The following FUBP3 variants were observed in gnomAD, a reference collection of about 807,000 sequenced individuals.
FUBP3 encodes the protein far upstream element binding protein 3, also known as far upstream element-binding protein 3.
Under a neutral mutation model 85.6 loss-of-function variants are expected in FUBP3, and 28 were observed. That is an observed-to-expected ratio of 0.33 (90% CI 0.24 to 0.45). The LOEUF is 0.45. Ranked by LOEUF, FUBP3 falls within the 20% of genes least tolerant of loss-of-function variation. The pLI is 1.00. For synonymous variants in FUBP3, 271 were observed against 271.4 expected (o/e 1.00, Z 0.01); for missense variants, 583 against 755.1 (o/e 0.77, Z 2.67).
intron 2 of FUBP3, among the ~76,000 whole-genome samples, chr9:130,604,618 CG>C (rs763095365): frequency 6.6e-6 from 1 of 152,172 alleles, no homozygotes; most frequent in Non-Finnish European, 1.5e-5. Flanking sequence ...ATACTACTCC[CG>C]GGCCTGGCAT....
intron 9 of FUBP3, among the ~76,000 whole-genome samples, chr9:130,622,331 A>AG (rs1437350795): frequency 1.3e-5 from 2 of 149,070 alleles, no homozygotes; most frequent in African/African-American, 5.0e-5. Flanking sequence ...AAAAAAAAAA[A>AG]AAAAAAAAAA....
intron 2 of FUBP3, among the ~76,000 whole-genome samples, chr9:130,602,863 A>C (rs1262775284): frequency 6.6e-6 from 1 of 151,862 alleles, no homozygotes; most frequent in African/African-American, 2.4e-5. Context: ...TCTTCCCTAA[A>C]ATGGGCCTTT....
At chr9:130,595,670 C>T (rs1210069600) in intron 2 of FUBP3, 82 bp downstream of exon 2, 4 of 775,808 alleles carry the variant, frequency 5.2e-6, no homozygotes, top group Admixed American at 1.7e-5. Flanking sequence ...ATTACCTTAA[C>T]GACTCTCTGA....
At chr9:130,591,009 G>GTTTTT (rs905903196) in intron 1 of FUBP3, among the ~76,000 whole-genome samples, 2 of 82,364 alleles carry the variant, frequency 2.4e-5, no homozygotes, top group Non-Finnish European at 2.4e-5. Context: ...GTTTTTGTTT[G>GTTTTT]TTTTTGTTTT....
At chr9:130,599,151 A>T (rs1349718563) in intron 2 of FUBP3, among the ~76,000 whole-genome samples, 1 of 151,976 alleles carries the variant, frequency 6.6e-6, no homozygotes, top group Admixed American at 6.6e-5. Flanking sequence ...AATTAGCTGG[A>T]TGTCATGGCA....
chr9:130,631,713 G>T, intron 14 of FUBP3, 83 bp downstream of exon 14: 1 of 1,178,820 alleles, frequency 8.5e-7, no homozygotes, highest in Non-Finnish European at 1.3e-6. Flanking sequence ...CTTCTAGCGA[G>T]TGCCAGCCAA....
At chr9:130,601,324 C>T (rs909789819) in intron 2 of FUBP3, among the ~76,000 whole-genome samples, 1 of 152,224 alleles carries the variant, frequency 6.6e-6, no homozygotes, top group Non-Finnish European at 1.5e-5. Context: ...GATGGACAGA[C>T]AGAGAAGTCA....
intron 1 of FUBP3, 73 bp downstream of exon 1, chr9:130,579,837 G>T (rs1830054379): frequency 1.1e-6 from 1 of 938,774 alleles, no homozygotes; most frequent in African/African-American, 1.7e-5. Flanking sequence ...GAGGGGTTCG[G>T]GCCTGGGGGG....
chr9:130,628,082 ACACG>A (rs557473643), intron 12 of FUBP3, among the ~76,000 whole-genome samples: 2,655 of 139,034 alleles, frequency 0.019, 32 homozygotes, highest in South Asian at 0.043. Context: ...CGCACTAAAC[ACACG>A]CACGCACGCA....
Position 130,613,159 on chromosome 9 carries a change from G to T in FUBP3, c.346+132G>T. 9 of 637,240 alleles carry T rather than the reference G, an allele frequency of 1.4e-5. No homozygotes were observed. In the South Asian group the frequency reaches 1.7e-4, roughly 12 times the overall value. 39.5% of individuals were successfully genotyped at this position (637,240 alleles called of 1,614,324 possible). A position where few individuals can be genotyped will look rare whatever the true frequency, so the allele number is the denominator to read the frequency against. On this transcript the variant is annotated intron_variant, in intron 5 of 18. Coordinates refer to ENST00000319725, the MANE Select transcript of FUBP3 (RefSeq NM_003934.2). ...TGTTTTCCTTGCACTTTGGGAGTTG[G>T]ACTCCTAAATGAGAACCAGAAGGAT...
In FUBP3 at chr9:130,619,264, G is replaced by A. The variant is rs1399875754; in HGVS notation, c.667-1090G>A. On this transcript the variant is annotated intron_variant, in intron 8 of 18. Coordinates refer to ENST00000319725, the MANE Select transcript of FUBP3 (RefSeq NM_003934.2). ...TGCAGGAAAATAATTTTAACTTAAC[G>A]GGTTTTAGTGATTTTTAAATTTTAA... Among the ~76,000 whole-genome samples, 5 of 149,540 alleles carry A rather than the reference G, an allele frequency of 3.3e-5. No individual in the cohort carries two copies. The East Asian group carries it at 5.9e-4, about 18-fold the overall frequency.
Position 130,636,130 on chromosome 9 carries a change from T to G in FUBP3, c.1710+4T>G, listed in dbSNP as rs1830408169. On this transcript the variant is annotated splice_donor_region_variant and intron_variant, in intron 18 of 18. Coordinates refer to ENST00000319725, the MANE Select transcript of FUBP3 (RefSeq NM_003934.2). ...GCAGGCGCAGGCCCACAGCCAGGTC[T>G]GTAGCTGATCACCAGCACCGCTGCC... 1.2e-6 allele frequency: 2 copies of G among 1,612,852 alleles called. No homozygotes were observed. Among genetic ancestry groups the G allele is most frequent in the South Asian group, 2.2e-5 (2 of 91,070 alleles).
At chr9:130,631,836 A>G in intron 14 of FUBP3, 106 bp from the exon 15 acceptor site, 1 of 902,594 alleles carries the variant, frequency 1.1e-6, no homozygotes, top group Non-Finnish European at 1.8e-6. Context: ...CAGAGGGCAG[A>G]GGGTCTTCTG....
intron 2 of FUBP3, among the ~76,000 whole-genome samples, chr9:130,602,844 T>A (rs962896434): frequency 1.3e-5 from 2 of 152,112 alleles, no homozygotes; most frequent in African/African-American, 4.8e-5. Context: ...CCTTACCTCC[T>A]GTCTGCCCTC....
intron 1 of FUBP3, among the ~76,000 whole-genome samples, chr9:130,589,114 TAGTA>T (rs199951015): frequency 0.012 from 1,890 of 152,230 alleles, 47 homozygotes; most frequent in African/African-American, 0.043. Context: ...TATAGAGTTC[TAGTA>T]AGTATGAAGT....
At chr9:130,592,660 C>T (rs1350759838) in intron 1 of FUBP3, among the ~76,000 whole-genome samples, 1 of 152,202 alleles carries the variant, frequency 6.6e-6, no homozygotes, top group Non-Finnish European at 1.5e-5. Context: ...CCTCCTGCCT[C>T]AGCCTCCTGA....
At chr9:130,636,580 T>C (rs550937073) in intron 18 of FUBP3, among the ~76,000 whole-genome samples, 21 of 152,366 alleles carry the variant, frequency 1.4e-4, no homozygotes, top group African/African-American at 5.0e-4. Context: ...AGAGCCCAGC[T>C]TTCCTCTCCT....
At position 130,616,614 on chromosome 9, in the gene FUBP3, G is replaced by GCACAAAGCCAGCCCAGCCA; in HGVS notation, c.567+97_567+98insCACAAAGCCAGCCCAGCCA. On this transcript the variant is annotated intron_variant, in intron 7 of 18. Transcript: ENST00000319725. The surrounding 1 kb of genome is among the most constrained non-coding windows in gnomAD (Gnocchi z 4.7). The stretch of plus-strand genomic sequence containing the variant: ...TGCTTACGGCTGGCATTCCCTGGCT[G>GCACAAAGCCAGCCCAGCCA]GGCTGGCTTTGTGCAGCATTGTGCT... 2 of 1,214,570 alleles carry GCACAAAGCCAGCCCAGCCA rather than the reference G, an allele frequency of 1.6e-6. No individual in the cohort carries two copies. Among genetic ancestry groups the GCACAAAGCCAGCCCAGCCA allele is most frequent in the Non-Finnish European group, 2.4e-6 (2 of 841,868 alleles). The allele number at this position is 1,214,570 out of a possible 1,614,324, so 75.2% of individuals were successfully genotyped here.
chr9:130,613,030 A>G lies in FUBP3; in HGVS notation c.346+3A>G. 1 of 1,586,972 alleles carries G rather than the reference A, an allele frequency of 6.3e-7. No homozygotes were observed. The highest frequency in any genetic ancestry group is 8.7e-7 in the Non-Finnish European group (1 of 1,155,974). On this transcript the variant is annotated splice_donor_region_variant and intron_variant, in intron 5 of 18. Coordinates refer to ENST00000319725, the MANE Select transcript of FUBP3 (RefSeq NM_003934.2). ...TTGCAAAATTCAGATTGCTTCAGGT[A>G]AGGGCTTTTTAAAAATAGATATCAA...
Sources: allele counts gnomAD v4.1 joint callset (sites outside exome capture counted in the v4.1 genomes callset), GRCh38; gene constraint gnomAD v4.1.1; non-coding constraint Gnocchi (gnomAD v3.1); transcripts MANE v1.5; gene names NCBI Gene and HGNC (gene_info 2026-07-23, HGNC 2026-07-21).